BAD: variants seen among roughly 807,000 people sequenced by gnomAD.
BAD encodes the protein bcl2-associated agonist of cell death.
A neutral mutation model predicts 17.8 loss-of-function variants in BAD; 18 were observed. That is an observed-to-expected ratio of 1.01 (90% CI 0.70 to 1.50). BAD has a LOEUF of 1.50. Among genes scored for constraint, BAD ranks in the 40% most tolerant of loss-of-function variants. The pLI, the probability that BAD is intolerant of heterozygous loss-of-function variation, is 0.00. For missense variants in BAD, 294 were observed against 239.3 expected (o/e 1.23, Z -1.51); for synonymous variants, 112 against 91.5 (o/e 1.22, Z -1.28).
At chr11:64,277,342 C>T (rs1007694633) in intron 2 of BAD, among the ~76,000 whole-genome samples, 23 of 152,348 alleles carry the variant, frequency 1.5e-4, no homozygotes, top group African/African-American at 4.3e-4. Context: ...TATAGCCTTC[C>T]GGTACAGAAG....
At chr11:64,270,761 C>G (rs1182561948) in intron 3 of BAD, 8 of 451,118 alleles carry the variant, frequency 1.8e-5, no homozygotes, top group African/African-American at 1.6e-4. Context: ...CACCACTGCA[C>G]TCCAGCCTGG....
At chr11:64,278,523 C>T (rs967725832) in intron 2 of BAD, among the ~76,000 whole-genome samples, 2 of 152,116 alleles carry the variant, frequency 1.3e-5, no homozygotes, top group African/African-American at 4.8e-5. Context: ...AGGTCCTCGC[C>T]ACAGCCCTGC....
chr11:64,269,986 A>T lies in BAD; in HGVS notation c.*223T>A, dbSNP rs972107393. 3.6e-6 allele frequency: 3 copies of T among 834,592 alleles called. No individual in the cohort carries two copies. The highest frequency in any genetic ancestry group is 5.8e-6 in the Non-Finnish European group (3 of 517,196). The allele number at this position is 834,592 out of a possible 1,614,324, so 51.7% of individuals were successfully genotyped here. A position where few individuals can be genotyped will look rare whatever the true frequency, so the allele number is the denominator to read the frequency against. On this transcript the variant is annotated 3_prime_UTR_variant, in exon 4 of 4. Coordinates refer to ENST00000309032, the MANE Select transcript of BAD (RefSeq NM_032989.3). The stretch of plus-strand genomic sequence containing the variant: ...CCGGAGCCTGAGGGCGGGGCCACGG[A>T]GCCACTTCCGGCGGCTGTGGGCGGA...
At chr11:64,276,958 C>T in intron 2 of BAD, 2 of 753,166 alleles carry the variant, frequency 2.7e-6, no homozygotes, top group Non-Finnish European at 4.9e-6. Flanking sequence ...CTGGGGCGGA[C>T]ATCCCTGCTG....
rs1264868619 is a variant in BAD, at chr11:64,284,629, A to C, written c.-9+2T>G. Reference sequence around the variant, plus strand: ...CCCGTGGTGACGGCGCACAGGTCTCACCCCAAGCCCGATCTCGAGGCCCCT... The same window carrying C: ...CCCGTGGTGACGGCGCACAGGTCTCCCCCCAAGCCCGATCTCGAGGCCCCT... On this transcript the variant is annotated splice_donor_variant, in intron 1 of 3. Transcript: ENST00000309032. LOFTEE classifies it low-confidence loss of function (5UTR_SPLICE). The C allele has an allele frequency of 1.4e-5, 22 of 1,520,244 alleles. No homozygotes were observed. In the East Asian group the frequency reaches 5.4e-4, roughly 37 times the overall value. 94.2% of individuals were successfully genotyped at this position (1,520,244 alleles called of 1,614,324 possible). A position where few individuals can be genotyped will look rare whatever the true frequency, so the allele number is the denominator to read the frequency against.
At chr11:64,273,709 G>A (rs748689997) in intron 2 of BAD, among the ~76,000 whole-genome samples, 7 of 151,816 alleles carry the variant, frequency 4.6e-5, no homozygotes, top group Admixed American at 2.0e-4. Context: ...GTAAAACCCC[G>A]TCTCTACTAA....
At chr11:64,282,495 G>C (rs1478314935) in intron 2 of BAD, among the ~76,000 whole-genome samples, 4 of 152,182 alleles carry the variant, frequency 2.6e-5, no homozygotes, top group Admixed American at 6.5e-5. Context: ...AGCTGTTCTG[G>C]AGGCTGAGGC....
intron 2 of BAD, among the ~76,000 whole-genome samples, chr11:64,273,521 C>G (rs1358546330): frequency 6.6e-6 from 1 of 152,138 alleles, no homozygotes; most frequent in African/African-American, 2.4e-5. Flanking sequence ...CACTCCTCTA[C>G]CCAGACCGAT....
chr11:64,282,872 C>G (rs1352450917), intron 2 of BAD, among the ~76,000 whole-genome samples: 2 of 148,116 alleles, frequency 1.4e-5, no homozygotes, highest in Admixed American at 6.7e-5. Context: ...GAGTGAGACT[C>G]CGTCTCAGGA....
At chr11:64,270,502 G>T in intron 3 of BAD, 165 bp from the exon 4 acceptor site, 1 of 903,836 alleles carries the variant, frequency 1.1e-6, no homozygotes, top group Non-Finnish European at 1.7e-6. Flanking sequence ...TCGCGAGGAC[G>T]CATGGGCCCC....
chr11:64,272,113 G>A (rs2032676309), intron 2 of BAD, among the ~76,000 whole-genome samples: 1 of 152,210 alleles, frequency 6.6e-6, no homozygotes, highest in Non-Finnish European at 1.5e-5. Context: ...AAGGTCAGGA[G>A]ATCGAGACCA....
chr11:64,272,934 A>T (rs1013337656), intron 2 of BAD: 2 of 152,292 alleles, frequency 1.3e-5, no homozygotes, highest in Non-Finnish European at 2.9e-5. Context: ...AAAATGTGAA[A>T]GTGCTTTGTG....
rs754486155 is a variant in BAD, at chr11:64,270,003, G to T, written c.*206C>A. 1.0e-6 allele frequency: 1 copy of T among 975,602 alleles called. No individual in the cohort carries two copies. The allele number at this position is 975,602 out of a possible 1,614,324, so 60.4% of individuals were successfully genotyped here. ...GGCCACGGAGCCACTTCCGGCGGCT[G>T]TGGGCGGAAAACCCAAAACTTCCGA... On this transcript the variant is annotated 3_prime_UTR_variant, in exon 4 of 4. Coordinates refer to ENST00000309032, the MANE Select transcript of BAD (RefSeq NM_032989.3).
intron 2 of BAD, among the ~76,000 whole-genome samples, chr11:64,273,991 T>G (rs551664871): frequency 6.6e-6 from 1 of 151,668 alleles, no homozygotes; most frequent in Non-Finnish European, 1.5e-5. Context: ...GGGATAACCA[T>G]TGGAATGTCT....
chr11:64,276,298 T>TTGTGTGTGTTTGTG (rs55795317), intron 2 of BAD: 1 of 146,068 alleles, frequency 6.8e-6, no homozygotes, highest in Non-Finnish European at 1.5e-5. Flanking sequence ...GTGTATATAT[T>TTGTGTGTGTTTGTG]TGTGTGTGTG....
chr11:64,274,261 G>A lies in BAD; in HGVS notation c.188-2458C>T, dbSNP rs186403105. Among the ~76,000 whole-genome samples, 11 of 151,996 alleles carry A rather than the reference G, an allele frequency of 7.2e-5. No homozygotes were observed. The East Asian group carries it at 1.2e-3, about 16-fold the overall frequency. On this transcript the variant is annotated intron_variant, in intron 2 of 3. Coordinates refer to ENST00000309032, the MANE Select transcript of BAD (RefSeq NM_032989.3). Reference sequence around the variant, plus strand: ...AAATTAGCTGGGCATGGTGGCTGGCGCCTTAGTTCCAGCTACTCGGGAGGG... The same window carrying A: ...AAATTAGCTGGGCATGGTGGCTGGCACCTTAGTTCCAGCTACTCGGGAGGG...
chr11:64,284,660 G>T lies in BAD; in HGVS notation c.-38C>A, dbSNP rs1055115245. The T allele has an allele frequency of 1.4e-5, 22 of 1,534,432 alleles. No individual in the cohort carries two copies. In the African/African-American group the frequency reaches 2.2e-4, roughly 15 times the overall value. ...AGCCCGATCTCGAGGCCCCTGACCC[G>T]GGCCTGCCGCCTCCCTCCAGCACCC... On this transcript the variant is annotated 5_prime_UTR_variant, in exon 1 of 4. Coordinates refer to ENST00000309032, the MANE Select transcript of BAD (RefSeq NM_032989.3).
chr11:64,284,417 G>A (rs375119597), intron 1 of BAD, 41 bp from the exon 2 acceptor site: 136 of 1,608,736 alleles, frequency 8.5e-5, no homozygotes, highest in Non-Finnish European at 1.1e-4. Flanking sequence ...CACAGCTGGG[G>A]CCAACGGTGG....
At chr11:64,282,519 G>C (rs2033545625) in intron 2 of BAD, among the ~76,000 whole-genome samples, 1 of 152,060 alleles carries the variant, frequency 6.6e-6, no homozygotes, top group South Asian at 2.1e-4. Context: ...AGGATCGTTT[G>C]AGCCCAGGAG....
Sources: gnomAD v4.1 joint callset for allele counts (sites outside exome capture counted in the v4.1 genomes callset) on GRCh38, gnomAD v4.1.1 for gene constraint, MANE v1.5 for transcripts, NCBI Gene and HGNC (gene_info 2026-07-23, HGNC 2026-07-21) for gene names.